Variants in PAG1 observed in about 807,000 individuals in gnomAD.
PAG1 encodes the protein phosphoprotein membrane anchor with glycosphingolipid microdomains 1.
In PAG1, 23 loss-of-function variants were observed where a neutral mutation model predicts 31.7. The observed-to-expected ratio is 0.73, with a 90% CI of 0.52 to 1.03. The LOEUF is 1.03. PAG1 is among the 50% of genes least tolerant of loss of function. The pLI is 0.00. For missense variants in PAG1, 473 were observed against 540.7 expected (o/e 0.87, Z 1.24); for synonymous variants, 214 against 210.3 (o/e 1.02, Z -0.15).
At chr8:81,006,444 A>C (rs1465555955) in intron 3 of PAG1, among the ~76,000 whole-genome samples, 1 of 152,142 alleles carries the variant, frequency 6.6e-6, no homozygotes, top group African/African-American at 2.4e-5. Context: ...TTCTGTAGAC[A>C]AGCCTCACTG....
At chr8:81,045,091 T>A (rs1392781341) in intron 2 of PAG1, among the ~76,000 whole-genome samples, 2 of 152,160 alleles carry the variant, frequency 1.3e-5, no homozygotes, top group Admixed American at 6.6e-5. Context: ...ACACACAGAA[T>A]GTCCAAAGTG....
chr8:81,077,214 T>C (rs978802946), intron 1 of PAG1, among the ~76,000 whole-genome samples: 8 of 152,340 alleles, frequency 5.3e-5, no homozygotes, highest in African/African-American at 1.9e-4. Flanking sequence ...AGGATGTACA[T>C]TAAAGTCTAA....
At chr8:81,031,179 C>T (rs910369143) in intron 2 of PAG1, among the ~76,000 whole-genome samples, 1 of 152,146 alleles carries the variant, frequency 6.6e-6, no homozygotes, top group African/African-American at 2.4e-5. Context: ...CTATTGTTTC[C>T]CTGACAGTTA....
intron 3 of PAG1, among the ~76,000 whole-genome samples, chr8:81,026,852 C>T (rs1586173772): frequency 6.6e-6 from 1 of 152,114 alleles, no homozygotes; most frequent in African/African-American, 2.4e-5. Context: ...CCTCAGTAAT[C>T]CTTAACTCAG....
Position 80,987,130 on chromosome 8 carries a change from A to T in PAG1, c.274+240T>A, listed in dbSNP as rs185760026. Among the ~76,000 whole-genome samples the T allele has an allele frequency of 3.9e-5, 6 of 152,348 alleles. No homozygotes were observed. The East Asian group carries it at 1.2e-3, about 29-fold the overall frequency. Reference sequence around the variant, plus strand: ...TGAATTAGTACATGTAAATGTACTAAAATGTACTAAAAGAGCAAATGAATT... The same window carrying T: ...TGAATTAGTACATGTAAATGTACTATAATGTACTAAAAGAGCAAATGAATT... On this transcript the variant is annotated intron_variant, in intron 6 of 8. Transcript: ENST00000220597.
At chr8:81,061,748 C>CA (rs1192732135) in intron 2 of PAG1, among the ~76,000 whole-genome samples, 17 of 152,274 alleles carry the variant, frequency 1.1e-4, no homozygotes, top group Admixed American at 5.9e-4. Context: ...AGATAGGGAA[C>CA]ATTTAAAACG....
At chr8:80,976,959 C>T in intron 8 of PAG1, 53 bp from the exon 9 acceptor site, 1 of 1,533,488 alleles carries the variant, frequency 6.5e-7, no homozygotes, top group Non-Finnish European at 8.8e-7. Context: ...TTCCCCCTCC[C>T]TCTTTTTAGT....
intron 3 of PAG1, among the ~76,000 whole-genome samples, chr8:81,026,542 C>T (rs1808281461): frequency 6.6e-6 from 1 of 151,100 alleles, no homozygotes; most frequent in African/African-American, 2.4e-5. Context: ...CTGGTGCCCA[C>T]ACTAACTTAG....
At chr8:81,057,577 GA>G (rs1808847161) in intron 2 of PAG1, among the ~76,000 whole-genome samples, 1 of 122,836 alleles carries the variant, frequency 8.1e-6, no homozygotes, top group Non-Finnish European at 1.7e-5. Context: ...GGGGTCGGGG[GA>G]GGGGGGAGGG....
chr8:81,064,852 T>A (rs1333483785), intron 2 of PAG1, among the ~76,000 whole-genome samples: 5 of 152,228 alleles, frequency 3.3e-5, no homozygotes, highest in Non-Finnish European at 7.3e-5. Context: ...CTGAGGCTGA[T>A]GAGGCAAAGG....
At chr8:81,110,100 A>G (rs977072546) in intron 1 of PAG1, among the ~76,000 whole-genome samples, 2 of 152,196 alleles carry the variant, frequency 1.3e-5, no homozygotes. Flanking sequence ...TAACTAGTTC[A>G]TCTTGTTCTG....
chr8:81,027,701 C>A (rs1203537106), intron 3 of PAG1, among the ~76,000 whole-genome samples: 1 of 151,960 alleles, frequency 6.6e-6, no homozygotes, highest in Non-Finnish European at 1.5e-5. Context: ...GTCAGGAGAT[C>A]GAGACCATCC....
chr8:81,052,362 G>GT (rs1370804143), intron 2 of PAG1, among the ~76,000 whole-genome samples: 5 of 152,106 alleles, frequency 3.3e-5, no homozygotes, highest in Non-Finnish European at 7.4e-5. Context: ...GAGTGAAATT[G>GT]TAAGTTCAGT....
At chr8:81,020,625 C>G (rs922345112) in intron 3 of PAG1, among the ~76,000 whole-genome samples, 4 of 152,156 alleles carry the variant, frequency 2.6e-5, no homozygotes, top group Non-Finnish European at 5.9e-5. Flanking sequence ...TTCCATTAAA[C>G]CTCTTTCCTT....
chr8:81,020,783 A>G (rs1438369309), intron 3 of PAG1, among the ~76,000 whole-genome samples: 1 of 152,188 alleles, frequency 6.6e-6, no homozygotes, highest in Non-Finnish European at 1.5e-5. Context: ...TTATGTTTTA[A>G]GCTATATATT....
chr8:81,102,145 T>C (rs1287634516), intron 1 of PAG1, among the ~76,000 whole-genome samples: 1 of 152,130 alleles, frequency 6.6e-6, no homozygotes, highest in African/African-American at 2.4e-5. Context: ...CACATATTAT[T>C]ATAAAGTGCA....
chr8:80,998,813 T>C (rs1041173281), intron 3 of PAG1, among the ~76,000 whole-genome samples: 1 of 152,198 alleles, frequency 6.6e-6, no homozygotes, highest in Non-Finnish European at 1.5e-5. Context: ...TCATTACCTT[T>C]TTACAGCTGT....
intron 2 of PAG1, among the ~76,000 whole-genome samples, 157 bp downstream of exon 2, chr8:81,069,955 T>A (rs1809067870): frequency 6.6e-6 from 1 of 152,224 alleles, no homozygotes; most frequent in Non-Finnish European, 1.5e-5. Flanking sequence ...ACAAGCTCAT[T>A]CCCTGGATGT....
chr8:81,066,333 T>C (rs2130947910), intron 2 of PAG1, among the ~76,000 whole-genome samples: 1 of 152,358 alleles, frequency 6.6e-6, no homozygotes, highest in South Asian at 2.1e-4. Context: ...AAATGCACTT[T>C]TTCAGGCTTA....
Sources: gnomAD v4.1 joint callset for allele counts (sites outside exome capture counted in the v4.1 genomes callset) on GRCh38, gnomAD v4.1.1 for gene constraint, MANE v1.5 for transcripts, NCBI Gene and HGNC (gene_info 2026-07-23, HGNC 2026-07-21) for gene names.